NPAS1: variants seen among roughly 807,000 people sequenced by gnomAD.
The protein encoded by NPAS1 is neuronal PAS domain protein 1.
In NPAS1, 29 loss-of-function variants were observed where a neutral mutation model predicts 49.2. That is an observed-to-expected ratio of 0.59 (90% CI 0.44 to 0.80). The LOEUF is 0.80. Ranked by LOEUF, NPAS1 falls within the 30% of genes least tolerant of loss-of-function variation. The pLI, the probability that NPAS1 is intolerant of heterozygous loss-of-function variation, is 0.00. For missense variants in NPAS1, 825 were observed against 835.5 expected, an observed-to-expected ratio of 0.99 and a Z score of 0.15; for synonymous variants, 408 against 380.4, an observed-to-expected ratio of 1.07 and a Z score of -0.84.
intron 3 of NPAS1, among the ~76,000 whole-genome samples, chr19:47,031,713 T>G (rs1015986414): frequency 1.3e-5 from 2 of 151,220 alleles, no homozygotes; most frequent in Non-Finnish European, 2.9e-5. Context: ...GTATTTTCAG[T>G]AGAGATGGGG....
In NPAS1 at chr19:47,032,652, G is replaced by A. The variant is rs536425599; in HGVS notation, c.442G>A (p.Gly148Ser). 6.2e-7 allele frequency: 1 copy of A among 1,614,016 alleles called. No individual in the cohort carries two copies. The highest frequency in any genetic ancestry group is 1.1e-5 in the South Asian group (1 of 91,078). Residue 148 changes from glycine (G) to serine (S), a missense_variant, in exon 5 of 12, where the codon GGC becomes AGC. By Grantham distance (56) the Gly-to-Ser change is moderately conservative. Transcript: ENST00000602212. ...LGGHILQSLD[G>S]FVFALNQEGK... ...TCTCTCCCGGCTCTAGTCCCTGGAT[G>A]GCTTTGTGTTCGCCTTGAACCAGGA...
At chr19:47,025,927 CG>C (rs1407180210) in intron 3 of NPAS1, among the ~76,000 whole-genome samples, 3 of 149,910 alleles carry the variant, frequency 2.0e-5, no homozygotes, top group South Asian at 4.2e-4. Context: ...GAGGAAGTAA[CG>C]TTTTTTTGTT....
chr19:47,026,687 G>A (rs1321898046), intron 3 of NPAS1, among the ~76,000 whole-genome samples: 2 of 152,140 alleles, frequency 1.3e-5, no homozygotes, highest in East Asian at 1.9e-4. Context: ...CGGGGCGGTG[G>A]CTCACACCTG....
intron 9 of NPAS1, 194 bp downstream of exon 9, chr19:47,040,744 G>C (rs934724401): frequency 6.7e-6 from 4 of 596,746 alleles, no homozygotes; most frequent in African/African-American, 3.7e-5. Context: ...TGTGTGGGGG[G>C]GGGGTCTGGG....
chr19:47,021,041 C>A lies in NPAS1; in HGVS notation c.-7C>A. ...GCTCGGAGCCCGCCTGAGCGAGCCC[C>A]CCGGAGATGGCGGCCCCCTATCCCG... On this transcript the variant is annotated 5_prime_UTR_variant, in exon 2 of 12. Coordinates refer to ENST00000602212, the MANE Select transcript of NPAS1 (RefSeq NM_002517.4). This position sits in a 1 kb window ranked among gnomAD's most constrained non-coding sequence, Gnocchi z 5.7. 1 of 1,601,234 alleles carries A rather than the reference C, an allele frequency of 6.2e-7. No homozygotes were observed. The highest frequency in any genetic ancestry group is 8.5e-7 in the Non-Finnish European group (1 of 1,175,666).
chr19:47,027,649 T>C lies in NPAS1; in HGVS notation c.359-4629T>C, dbSNP rs1257221116. On this transcript the variant is annotated intron_variant, in intron 3 of 11. Transcript: ENST00000602212. ...CTCTGCCCCTGGTCTCCCGTCTGTC[T>C]GCCCCTGGTCTCCCTTCTCTCTGCC... is the stretch of plus-strand genomic sequence containing the variant. Among the ~76,000 whole-genome samples the C allele has an allele frequency of 2.4e-5, 2 of 85,014 alleles. 1 individual carries two copies. The highest frequency in any genetic ancestry group is 5.2e-5 in the Non-Finnish European group (2 of 38,290). 55.8% of individuals were successfully genotyped at this position (85,014 alleles called of 152,430 possible).
intron 6 of NPAS1, among the ~76,000 whole-genome samples, chr19:47,038,290 G>A (rs529910878): frequency 5.3e-5 from 8 of 152,284 alleles, no homozygotes; most frequent in East Asian, 3.9e-4. Context: ...AGGCCGAGGC[G>A]GCCAGATCAC....
At chr19:47,042,637 G>C (rs911512934) in intron 10 of NPAS1, among the ~76,000 whole-genome samples, 173 bp from the exon 11 acceptor site, 2 of 152,228 alleles carry the variant, frequency 1.3e-5, no homozygotes, top group Non-Finnish European at 2.9e-5. Context: ...CGCTGGGCTA[G>C]AAGTCAACCC....
Position 47,021,806 on chromosome 19 carries a change from C to T in NPAS1, c.317C>T (p.Pro106Leu). The change falls in exon 3 of 12, where the codon CCG (proline) becomes CTG (leucine). Residue 106 changes from proline (P) to leucine (L), a missense_variant. By Grantham distance (98) the Pro-to-Leu change is moderately conservative. Transcript: ENST00000602212. The surrounding 1 kb of genome is among the most constrained non-coding windows in gnomAD (Gnocchi z 5.7). ...CGCCGGTTCGCCGCGCTGGGGGCGCCGCCCTGGGGGCTGAGAGCCGCGGGG... is the reference window on the plus strand; with the variant it reads ...CGCCGGTTCGCCGCGCTGGGGGCGCTGCCCTGGGGGCTGAGAGCCGCGGGG... ...RLRRFAALGAPPWGLRAAGPP... is the reference protein window; with the variant it reads ...RLRRFAALGALPWGLRAAGPP... 3 of 1,526,886 alleles carry T rather than the reference C, an allele frequency of 2.0e-6. No individual in the cohort carries two copies. Among genetic ancestry groups the T allele is most frequent in the East Asian group, 2.6e-5 (1 of 38,852 alleles). The allele number at this position is 1,526,886 out of a possible 1,614,324, so 94.6% of individuals were successfully genotyped here.
chr19:47,024,499 AAAC>A lies in NPAS1; in HGVS notation c.358+2667_358+2669del, dbSNP rs34043772. On this transcript the variant is annotated intron_variant, in intron 3 of 11. Transcript: ENST00000602212. ...AGACCCCGTTCTCCAGAAAAAGGAA[AAAC>A]AACAACAACAACAAAAGATAAAATG... Among the ~76,000 whole-genome samples, 27 of 151,296 alleles carry A rather than the reference AAAC, an allele frequency of 1.8e-4. No homozygotes were observed. In the South Asian group the frequency reaches 4.2e-3, roughly 23 times the overall value.
Position 47,030,672 on chromosome 19 carries a change from G to A in NPAS1, c.359-1606G>A, listed in dbSNP as rs1385023502. 6.0e-5 allele frequency among the ~76,000 whole-genome samples: 5 copies of A among 83,858 alleles called. No individual in the cohort carries two copies. In the Admixed American group the frequency reaches 9.0e-4, roughly 15 times the overall value. The allele number at this position is 83,858 out of a possible 152,430, so 55.0% of individuals were successfully genotyped here. ...TTTTTTTTTTTTTTTTTTTTTGTCT[G>A]AGACAGAGTCTCACTCTGTCGCCCA... is the stretch of plus-strand genomic sequence containing the variant. On this transcript the variant is annotated intron_variant, in intron 3 of 11. Coordinates refer to ENST00000602212, the MANE Select transcript of NPAS1 (RefSeq NM_002517.4).
At chr19:47,020,970 G>T in intron 1 of NPAS1, 36 bp from the exon 2 acceptor site, 1 of 1,334,008 alleles carries the variant, frequency 7.5e-7, no homozygotes, top group Non-Finnish European at 1.0e-6. Flanking sequence ...TCTCCCGAGG[G>T]CACTAAGCGT....
At chr19:47,040,074 G>C (rs1433393937) in intron 8 of NPAS1, among the ~76,000 whole-genome samples, 1 of 152,104 alleles carries the variant, frequency 6.6e-6, no homozygotes, top group African/African-American at 2.4e-5. Flanking sequence ...TCAGGCTGGA[G>C]TGCAGTGGCG....
rs562224010 is a variant in NPAS1 at position 47,028,287 on chromosome 19, G to A, written c.359-3991G>A. On this transcript the variant is annotated intron_variant, in intron 3 of 11. Coordinates refer to ENST00000602212, the MANE Select transcript of NPAS1 (RefSeq NM_002517.4). ...CTGTATCTTGAGGGAGGGGGTCCCC[G>A]TCAACCCCCCAGCCCCCCAGTAATT... Among the ~76,000 whole-genome samples, 88 of 152,150 alleles carry A rather than the reference G, an allele frequency of 5.8e-4. 1 individual carries two copies. Among genetic ancestry groups the A allele is most frequent in the African/African-American group, 2.1e-3 (88 of 41,526 alleles).
At position 47,021,519 on chromosome 19, in the gene NPAS1, T is replaced by G; in HGVS notation, c.123-93T>G. The G allele has an allele frequency of 1.2e-6, 1 of 852,276 alleles. No homozygotes were observed. Among genetic ancestry groups the G allele is most frequent in the Non-Finnish European group, 1.7e-6 (1 of 585,338 alleles). The allele number at this position is 852,276 out of a possible 1,614,324, so 52.8% of individuals were successfully genotyped here. On this transcript the variant is annotated intron_variant, in intron 2 of 11. Coordinates refer to ENST00000602212, the MANE Select transcript of NPAS1 (RefSeq NM_002517.4). The surrounding 1 kb of genome is among the most constrained non-coding windows in gnomAD (Gnocchi z 5.7). Reference sequence around the variant, plus strand: ...AATCCACTCCCAACGTCCCGTCCCGTTCCCAAGGCCCCGGGAGGCGGGGCT... The same window carrying G: ...AATCCACTCCCAACGTCCCGTCCCGGTCCCAAGGCCCCGGGAGGCGGGGCT...
intron 3 of NPAS1, among the ~76,000 whole-genome samples, chr19:47,026,627 C>G (rs970729009): frequency 6.6e-6 from 1 of 152,106 alleles, no homozygotes; most frequent in African/African-American, 2.4e-5. Flanking sequence ...CCCGAAAAGG[C>G]AGTGGTGCCC....
intron 3 of NPAS1, among the ~76,000 whole-genome samples, chr19:47,031,054 A>T (rs1025801474): frequency 1.3e-5 from 2 of 151,796 alleles, no homozygotes; most frequent in Non-Finnish European, 2.9e-5. Flanking sequence ...CCTCCTTCTC[A>T]TCCTTCAGGT....
rs2056841285 is a variant in NPAS1, at chr19:47,021,558, C to G, written c.123-54C>G. The G allele has an allele frequency of 1.6e-6, 2 of 1,273,564 alleles. No individual in the cohort carries two copies. The highest frequency in any genetic ancestry group is 3.2e-5 in the South Asian group (2 of 61,768). The allele number at this position is 1,273,564 out of a possible 1,614,324, so 78.9% of individuals were successfully genotyped here. A position where few individuals can be genotyped will look rare whatever the true frequency, so the allele number is the denominator to read the frequency against. On this transcript the variant is annotated intron_variant, in intron 2 of 11. Transcript: ENST00000602212. This position sits in a 1 kb window ranked among gnomAD's most constrained non-coding sequence, Gnocchi z 5.7. ...GGAGGCGGGGCTCGCCCCCAGTTCC[C>G]AAGCCCCTGAGCCCCGGGGCCCCGC...
intron 3 of NPAS1, among the ~76,000 whole-genome samples, chr19:47,024,036 C>T (rs571140151): frequency 2.5e-4 from 37 of 150,064 alleles, no homozygotes; most frequent in African/African-American, 8.6e-4. Context: ...ACCCAGGAGG[C>T]GGAGATTGCA....
Sources: gnomAD v4.1 joint callset for allele counts (sites outside exome capture counted in the v4.1 genomes callset) on GRCh38, gnomAD v4.1.1 for gene constraint, Gnocchi (gnomAD v3.1) non-coding constraint, MANE v1.5 for transcripts, NCBI Gene and HGNC (gene_info 2026-07-23, HGNC 2026-07-21) for gene names.